Variants in GABBR1 observed in about 807,000 individuals in gnomAD.
GABBR1 encodes the protein gamma-aminobutyric acid type B receptor subunit 1.
Under a neutral mutation model 117.7 loss-of-function variants are expected in GABBR1, and 35 were observed. The observed-to-expected ratio is 0.30, with a 90% confidence interval of 0.23 to 0.39. The LOEUF (loss-of-function observed/expected upper bound fraction) is 0.39. Ranked by LOEUF, GABBR1 falls within the 10% of genes least tolerant of loss-of-function variation. The pLI is 1.00. For synonymous variants in GABBR1, 442 were observed against 486.6 expected, an observed-to-expected ratio of 0.91 and a Z score of 1.21; for missense variants, 709 against 1,241.8, an observed-to-expected ratio of 0.57 and a Z score of 6.45.
Position 29,613,199 on chromosome 6 carries a change from C to A in GABBR1, c.1566+44G>T. 1 of 1,598,584 alleles carries A rather than the reference C, an allele frequency of 6.3e-7. No individual in the cohort carries two copies. Among genetic ancestry groups the A allele is most frequent in the Non-Finnish European group, 8.6e-7 (1 of 1,168,980 alleles). On this transcript the variant is annotated intron_variant, in intron 12 of 22. Transcript: ENST00000377034. This position sits in a 1 kb window ranked among gnomAD's most constrained non-coding sequence, Gnocchi z 4.1. ...GAAGGTGCCTCTTGGGAGTCTCTCTCAAGATTGGGAAGACAGGGGAGTATG... is the reference window on the plus strand; with the variant it reads ...GAAGGTGCCTCTTGGGAGTCTCTCTAAAGATTGGGAAGACAGGGGAGTATG...
chr6:29,604,395 A>T lies in GABBR1; in HGVS notation c.2712+99T>A. 6.8e-6 allele frequency: 10 copies of T among 1,477,982 alleles called. No homozygotes were observed. Among genetic ancestry groups the T allele is most frequent in the Non-Finnish European group, 9.4e-6 (10 of 1,063,028 alleles). The allele number at this position is 1,477,982 out of a possible 1,614,324, so 91.6% of individuals were successfully genotyped here. A position where few individuals can be genotyped will look rare whatever the true frequency, so the allele number is the denominator to read the frequency against. ...GACCCTCCCTCCATGAGCCAAGAAC[A>T]TCTGACCCTGTATCTCAGGCTTGGC... On this transcript the variant is annotated intron_variant, in intron 22 of 22. Coordinates refer to ENST00000377034, the MANE Select transcript of GABBR1 (RefSeq NM_001470.4). The surrounding 1 kb of genome is among the most constrained non-coding windows in gnomAD (Gnocchi z 5.3).
At position 29,603,602 on chromosome 6, in the gene GABBR1, G is replaced by C; in HGVS notation, c.2827C>G (p.Pro943Ala). 1 of 1,583,436 alleles carries C rather than the reference G, an allele frequency of 6.3e-7. No homozygotes were observed. Among genetic ancestry groups the C allele is most frequent in the East Asian group, 2.2e-5 (1 of 44,506 alleles). The change falls in exon 23 of 23, where the codon CCT becomes GCT. Residue 943 changes from proline (P) to alanine (A), a missense_variant. This residue lies in a region of GABBR1 where 69 missense variants were observed against 64.3 expected (regional missense o/e 1.07). Coordinates refer to ENST00000377034, the MANE Select transcript of GABBR1 (RefSeq NM_001470.4). ...CAGCTAAGCCGGTCGGGGGGCTCAG[G>C]GGGTCCCCTGGGCAGGCCCCCAGAG... Reference protein sequence around the residue: ...EPSGGLPRGPPEPPDRLSCDG... With the variant: ...EPSGGLPRGPAEPPDRLSCDG...
chr6:29,608,890 C>A (rs577865940), intron 15 of GABBR1, among the ~76,000 whole-genome samples, 157 bp from the exon 16 acceptor site: 3 of 152,310 alleles, frequency 2.0e-5, no homozygotes, highest in Admixed American at 6.5e-5. Context: ...CCTTGAGAGG[C>A]AGAGCAATGC....
At chr6:29,624,191 T>C in intron 6 of GABBR1, 167 bp from the exon 7 acceptor site, 1 of 651,830 alleles carries the variant, frequency 1.5e-6, no homozygotes, top group South Asian at 2.6e-5. Context: ...TCAAGTGCCT[T>C]TTTTCTCCTC....
intron 4 of GABBR1, 158 bp from the exon 5 acceptor site, chr6:29,629,265 G>A: frequency 1.3e-6 from 1 of 791,130 alleles, no homozygotes. Flanking sequence ...TAAGAACAAG[G>A]TGGGTCTGGG....
chr6:29,629,061 C>T (rs971926386), intron 5 of GABBR1, 26 bp downstream of exon 5: 3 of 1,612,472 alleles, frequency 1.9e-6, no homozygotes, highest in African/African-American at 1.3e-5. Context: ...CATTGCAGTG[C>T]GCGCGGTAAG....
chr6:29,605,241 T>C lies in GABBR1; in HGVS notation c.2440-253A>G. ...AGGATCTCTATGCACAGATTCCGGGTCCTCCAGAGTCGGTCCCTGGCAGGA... is the reference window on the plus strand; with the variant it reads ...AGGATCTCTATGCACAGATTCCGGGCCCTCCAGAGTCGGTCCCTGGCAGGA... On this transcript the variant is annotated intron_variant, in intron 20 of 22. Transcript: ENST00000377034. The surrounding 1 kb of genome is among the most constrained non-coding windows in gnomAD (Gnocchi z 4.2). 1 of 557,070 alleles carries C rather than the reference T, an allele frequency of 1.8e-6. No homozygotes were observed. Among genetic ancestry groups the C allele is most frequent in the Non-Finnish European group, 3.1e-6 (1 of 321,024 alleles). 34.5% of individuals were successfully genotyped at this position (557,070 alleles called of 1,614,324 possible).
chr6:29,631,324 A>T lies in GABBR1; in HGVS notation c.289+72T>A. The T allele has an allele frequency of 7.0e-7, 1 of 1,428,928 alleles. No homozygotes were observed. Among genetic ancestry groups the T allele is most frequent in the Non-Finnish European group, 9.8e-7 (1 of 1,019,588 alleles). 88.5% of individuals were successfully genotyped at this position (1,428,928 alleles called of 1,614,324 possible). A position where few individuals can be genotyped will look rare whatever the true frequency, so the allele number is the denominator to read the frequency against. ...ACTGGATTTAAAGTGCTGACTTGCA[A>T]GCAGTAATGCTAAGTTTGCGGCAGG... On this transcript the variant is annotated intron_variant, in intron 3 of 22. Coordinates refer to ENST00000377034, the MANE Select transcript of GABBR1 (RefSeq NM_001470.4). This position sits in a 1 kb window ranked among gnomAD's most constrained non-coding sequence, Gnocchi z 5.9.
In GABBR1 at chr6:29,621,644, C is replaced by T; in HGVS notation, c.1131+108G>A. 1 of 958,006 alleles carries T rather than the reference C, an allele frequency of 1.0e-6. No homozygotes were observed. The highest frequency in any genetic ancestry group is 1.7e-6 in the Non-Finnish European group (1 of 592,926). 59.3% of individuals were successfully genotyped at this position (958,006 alleles called of 1,614,324 possible). A position where few individuals can be genotyped will look rare whatever the true frequency, so the allele number is the denominator to read the frequency against. The stretch of plus-strand genomic sequence containing the variant: ...ACAGAGACATCCTATGAATCGTCAC[C>T]TCAGATCATATGCTATCAACTCAGG... On this transcript the variant is annotated intron_variant, in intron 10 of 22. Transcript: ENST00000377034. This position sits in a 1 kb window ranked among gnomAD's most constrained non-coding sequence, Gnocchi z 5.0.
In GABBR1 at chr6:29,623,251, T is replaced by C; in HGVS notation, c.963+54A>G. The C allele has an allele frequency of 6.6e-7, 1 of 1,520,990 alleles. No individual in the cohort carries two copies. Among genetic ancestry groups the C allele is most frequent in the Non-Finnish European group, 9.0e-7 (1 of 1,111,470 alleles). 94.2% of individuals were successfully genotyped at this position (1,520,990 alleles called of 1,614,324 possible). A position where few individuals can be genotyped will look rare whatever the true frequency, so the allele number is the denominator to read the frequency against. ...AAAGTGACTCTCACGTCACATCTCC[T>C]GGTGCTGGAATTTGAGCTTATGTCC... On this transcript the variant is annotated intron_variant, in intron 8 of 22. Transcript: ENST00000377034. This position sits in a 1 kb window ranked among gnomAD's most constrained non-coding sequence, Gnocchi z 6.2.
In GABBR1 at chr6:29,628,094, AGCGGGGGGTGGGGGG is replaced by A. The variant is rs2127446007; in HGVS notation, c.497-463_497-449del. The A allele has an allele frequency of 4.8e-5, 6 of 125,706 alleles. 1 individual carries two copies. The South Asian group carries it at 2.2e-3, about 46-fold the overall frequency. The allele number at this position is 125,706 out of a possible 1,614,324, so 7.8% of individuals were successfully genotyped here. ...TCTGACGTCACGGGCGGCGCGCGGCAGCGGGGGGTGGGGGGGCGGGCGGGAGCTGGGGAGGCAGGA... is the reference window on the plus strand; with the variant it reads ...TCTGACGTCACGGGCGGCGCGCGGCAGCGGGCGGGAGCTGGGGAGGCAGGA... On this transcript the variant is annotated intron_variant, in intron 5 of 22. Transcript: ENST00000377034.
chr6:29,627,349 ATCTCCTGCCAGTCACAC>A lies in GABBR1; in HGVS notation c.657+120_657+136del. The stretch of plus-strand genomic sequence containing the variant: ...CCCCAAGCTCCTGCACCCCCAGCCC[ATCTCCTGCCAGTCACAC>A]AAGGGAGGGGTCTGCCTCGCAATCC... On this transcript the variant is annotated intron_variant, in intron 6 of 22. Transcript: ENST00000377034. The surrounding 1 kb of genome is among the most constrained non-coding windows in gnomAD (Gnocchi z 4.4). The A allele has an allele frequency of 1.1e-6, 1 of 870,274 alleles. No homozygotes were observed. Among genetic ancestry groups the A allele is most frequent in the Non-Finnish European group, 1.7e-6 (1 of 572,134 alleles). The allele number at this position is 870,274 out of a possible 1,614,324, so 53.9% of individuals were successfully genotyped here.
intron 14 of GABBR1, 132 bp downstream of exon 14, chr6:29,610,792 C>T: frequency 1.4e-6 from 1 of 738,674 alleles, no homozygotes; most frequent in South Asian, 1.7e-5. Context: ...TCACTTAACC[C>T]TTTCTCCTGG....
chr6:29,633,116 AC>A lies in GABBR1; in HGVS notation c.-268del. On this transcript the variant is annotated 5_prime_UTR_variant, in exon 1 of 23. Transcript: ENST00000377034. This position sits in a 1 kb window ranked among gnomAD's most constrained non-coding sequence, Gnocchi z 4.4. The stretch of plus-strand genomic sequence containing the variant: ...GGGAGGGAAGGAGGCGGCGCCGGGG[AC>A]CAGGGAGAGCTCCCGGGCGGAGGGA... 6.5e-6 allele frequency: 1 copy of A among 154,082 alleles called. No homozygotes were observed. The highest frequency in any genetic ancestry group is 1.9e-4 in the East Asian group (1 of 5,192). 9.5% of individuals were successfully genotyped at this position (154,082 alleles called of 1,614,324 possible).
intron 6 of GABBR1, among the ~76,000 whole-genome samples, chr6:29,626,533 C>T (rs1764292360): frequency 6.6e-6 from 1 of 151,942 alleles, no homozygotes; most frequent in African/African-American, 2.4e-5. Context: ...TAAGCTATCC[C>T]CTAATACCCC....
In GABBR1 at chr6:29,632,715, C is replaced by G. The variant is rs1029124321; in HGVS notation, c.-1+135G>C. 7.3e-7 allele frequency: 1 copy of G among 1,368,244 alleles called. No individual in the cohort carries two copies. Among genetic ancestry groups the G allele is most frequent in the Non-Finnish European group, 9.5e-7 (1 of 1,048,474 alleles). 84.8% of individuals were successfully genotyped at this position (1,368,244 alleles called of 1,614,324 possible). ...CCGGCATCGGCCGCCTCAGCGCTCC[C>G]CGATTCCATCCCCGCGGTTCCTCCT... On this transcript the variant is annotated intron_variant, in intron 1 of 22. Transcript: ENST00000377034. The surrounding 1 kb of genome is among the most constrained non-coding windows in gnomAD (Gnocchi z 5.8).
Position 29,605,408 on chromosome 6 carries a change from G to T in GABBR1, c.2439+161C>A. 1 of 797,240 alleles carries T rather than the reference G, an allele frequency of 1.3e-6. No individual in the cohort carries two copies. Among genetic ancestry groups the T allele is most frequent in the Non-Finnish European group, 2.0e-6 (1 of 494,870 alleles). The allele number at this position is 797,240 out of a possible 1,614,324, so 49.4% of individuals were successfully genotyped here. On this transcript the variant is annotated intron_variant, in intron 20 of 22. Transcript: ENST00000377034. This position sits in a 1 kb window ranked among gnomAD's most constrained non-coding sequence, Gnocchi z 4.2. The stretch of plus-strand genomic sequence containing the variant: ...ATTAATGATACAATGTCTGTAGTGA[G>T]CTTTGTAAACTGTAAAGTGCTTTAT...
chr6:29,621,376 T>C lies in GABBR1; in HGVS notation c.1132-84A>G. On this transcript the variant is annotated intron_variant, in intron 10 of 22. Transcript: ENST00000377034. This position sits in a 1 kb window ranked among gnomAD's most constrained non-coding sequence, Gnocchi z 5.0. Reference sequence around the variant, plus strand: ...TCTCACTTGATACTATTTAGCCTCTTGGGAATCAGGGAAGAGCAGTAGAAC... The same window carrying C: ...TCTCACTTGATACTATTTAGCCTCTCGGGAATCAGGGAAGAGCAGTAGAAC... The C allele has an allele frequency of 1.8e-6, 2 of 1,106,898 alleles. No individual in the cohort carries two copies. The allele number at this position is 1,106,898 out of a possible 1,614,324, so 68.6% of individuals were successfully genotyped here. A position where few individuals can be genotyped will look rare whatever the true frequency, so the allele number is the denominator to read the frequency against.
chr6:29,632,156 A>G lies in GABBR1; in HGVS notation c.85+145T>C. On this transcript the variant is annotated intron_variant, in intron 2 of 22. Transcript: ENST00000377034. This position sits in a 1 kb window ranked among gnomAD's most constrained non-coding sequence, Gnocchi z 5.8. Reference sequence around the variant, plus strand: ...GGGGTGACAGAAGGAGGTCAGCAGTAGTAAAGTCGGGCCGAGCAGAAGGGG... The same window carrying G: ...GGGGTGACAGAAGGAGGTCAGCAGTGGTAAAGTCGGGCCGAGCAGAAGGGG... 1 of 505,544 alleles carries G rather than the reference A, an allele frequency of 2.0e-6. No individual in the cohort carries two copies. The highest frequency in any genetic ancestry group is 3.5e-6 in the Non-Finnish European group (1 of 285,744). 31.3% of individuals were successfully genotyped at this position (505,544 alleles called of 1,614,324 possible).
Sources: allele counts gnomAD v4.1 joint callset (sites outside exome capture counted in the v4.1 genomes callset), GRCh38; gene constraint gnomAD v4.1.1; regional missense constraint gnomAD v4.1.1; non-coding constraint Gnocchi (gnomAD v3.1); transcripts MANE v1.5; gene names NCBI Gene and HGNC (gene_info 2026-07-23, HGNC 2026-07-21).